Variants in NTM observed in about 807,000 individuals in gnomAD.
NTM encodes IgLON family member 2.
NTM carries 13 observed loss-of-function variants against 42.1 expected under a neutral mutation model. The observed-to-expected ratio is 0.31, with a 90% CI of 0.20 to 0.49. NTM has a LOEUF of 0.49. Among genes scored for constraint, NTM ranks in the 20% least tolerant of loss-of-function variants. The pLI is 0.99. For synonymous variants in NTM, 187 were observed against 179.2 expected (o/e 1.04, Z -0.35); for missense variants, 373 against 452.8 (o/e 0.82, Z 1.60).
intron 2 of NTM, among the ~76,000 whole-genome samples, chr11:131,983,374 CTTTTTTT>C (rs151133606): frequency 0.03 from 3,703 of 122,394 alleles, 143 homozygotes; most frequent in African/African-American, 0.11. Flanking sequence ...AAAATTGTAT[CTTTTTTT>C]TTTTTTTTTT....
chr11:131,823,171 G>C (rs1455725290), intron 1 of NTM, among the ~76,000 whole-genome samples: 1 of 152,220 alleles, frequency 6.6e-6, no homozygotes, highest in East Asian at 1.9e-4. Flanking sequence ...GCTGGTGATT[G>C]TCACAGGGTA....
intron 4 of NTM, among the ~76,000 whole-genome samples, chr11:132,263,646 C>T (rs929105505): frequency 3.9e-5 from 6 of 152,064 alleles, no homozygotes; most frequent in Non-Finnish European, 8.8e-5. Flanking sequence ...CCCTTTCTCA[C>T]ATGTTATTAT....
chr11:131,902,585 C>T (rs2053329758), intron 1 of NTM, among the ~76,000 whole-genome samples: 1 of 152,208 alleles, frequency 6.6e-6, no homozygotes, highest in Non-Finnish European at 1.5e-5. Flanking sequence ...ACACTAACCC[C>T]TCTAATTAGG....
chr11:132,247,942 T>C (rs1308540013), intron 4 of NTM, among the ~76,000 whole-genome samples: 1 of 152,138 alleles, frequency 6.6e-6, no homozygotes, highest in Non-Finnish European at 1.5e-5. Context: ...TTCCAGCTCT[T>C]AAATCCTTGG....
chr11:131,633,200 C>T (rs2063839153), intron 1 of NTM, among the ~76,000 whole-genome samples: 1 of 152,176 alleles, frequency 6.6e-6, no homozygotes, highest in African/African-American at 2.4e-5. Flanking sequence ...CTAGCATGAA[C>T]TGGGGAGTAT....
intron 2 of NTM, among the ~76,000 whole-genome samples, chr11:132,136,160 C>T (rs532749732): frequency 5.3e-5 from 8 of 152,300 alleles, no homozygotes; most frequent in African/African-American, 1.7e-4. Context: ...CCAGCCCCTG[C>T]AGTGTGTATT....
intron 1 of NTM, among the ~76,000 whole-genome samples, chr11:131,754,493 C>T (rs370268717): frequency 7.2e-5 from 11 of 151,902 alleles, no homozygotes; most frequent in South Asian, 2.1e-4. Flanking sequence ...GGCATAGTGG[C>T]GCATATCTGT....
chr11:131,901,775 C>G (rs1011547864), intron 1 of NTM, among the ~76,000 whole-genome samples: 1 of 152,234 alleles, frequency 6.6e-6, no homozygotes, highest in Non-Finnish European at 1.5e-5. Context: ...GGTTTATTCA[C>G]ATGCACGTTG....
chr11:131,879,928 TTGTC>T (rs1241155937), intron 1 of NTM, among the ~76,000 whole-genome samples: 1 of 152,226 alleles, frequency 6.6e-6, no homozygotes, highest in Non-Finnish European at 1.5e-5. Flanking sequence ...AGTTTTGTGT[TTGTC>T]TGTGTAGTGT....
chr11:131,729,240 C>T (rs920992618), intron 1 of NTM, among the ~76,000 whole-genome samples: 4 of 152,014 alleles, frequency 2.6e-5, no homozygotes, highest in Middle Eastern at 3.2e-3. Flanking sequence ...CCTGAGTGTT[C>T]GATAAGGGTT....
At chr11:132,102,879 GC>G (rs1450748030) in intron 2 of NTM, among the ~76,000 whole-genome samples, 1 of 152,174 alleles carries the variant, frequency 6.6e-6, no homozygotes, top group Non-Finnish European at 1.5e-5. Context: ...ACAGCAGCCT[GC>G]CCCAACAGTT....
chr11:131,658,878 C>T (rs556142468), intron 1 of NTM, among the ~76,000 whole-genome samples: 14 of 152,062 alleles, frequency 9.2e-5, no homozygotes, highest in South Asian at 4.2e-4. Flanking sequence ...GGCTGAGGCA[C>T]GAGAATCGCT....
chr11:132,134,717 ATATATAT>A (rs2067476094), intron 2 of NTM, among the ~76,000 whole-genome samples: 1 of 41,056 alleles, frequency 2.4e-5, no homozygotes, highest in Non-Finnish European at 4.4e-5. Flanking sequence ...ATATATATAT[ATATATAT>A]ATATATATAT....
intron 2 of NTM, among the ~76,000 whole-genome samples, chr11:131,951,345 A>G (rs1440568890): frequency 2.6e-5 from 4 of 152,158 alleles, no homozygotes; most frequent in Non-Finnish European, 5.9e-5. Context: ...GCCTAATTCC[A>G]TCCTCTACAG....
At chr11:131,381,023 C>T (rs1591511036) in intron 1 of NTM, among the ~76,000 whole-genome samples, 1 of 152,056 alleles carries the variant, frequency 6.6e-6, no homozygotes, top group African/African-American at 2.4e-5. Flanking sequence ...GTTATGGATA[C>T]CTATGTAGTA....
At chr11:132,010,628 T>TTC (rs1555217163) in intron 2 of NTM, among the ~76,000 whole-genome samples, 2 of 151,402 alleles carry the variant, frequency 1.3e-5, no homozygotes, top group Non-Finnish European at 2.9e-5. Flanking sequence ...TTTTTTTTTT[T>TTC]CCTCCATTCT....
intron 1 of NTM, among the ~76,000 whole-genome samples, chr11:131,740,248 T>C (rs1424990751): frequency 6.6e-6 from 1 of 152,202 alleles, no homozygotes; most frequent in African/African-American, 2.4e-5. Flanking sequence ...CCGGCATCCA[T>C]GTGCCTCGAT....
At chr11:131,679,741 T>C (rs904460672) in intron 1 of NTM, among the ~76,000 whole-genome samples, 2 of 152,044 alleles carry the variant, frequency 1.3e-5, no homozygotes, top group Non-Finnish European at 2.9e-5. Flanking sequence ...ATGTAAAATC[T>C]TGGGTCTCAC....
intron 4 of NTM, among the ~76,000 whole-genome samples, chr11:132,299,473 G>T (rs2094757609): frequency 6.6e-6 from 1 of 152,178 alleles, no homozygotes; most frequent in African/African-American, 2.4e-5. Flanking sequence ...AGGGTATCCT[G>T]AGAGAAAGGA....
Sources: allele counts gnomAD v4.1 joint callset (sites outside exome capture counted in the v4.1 genomes callset), GRCh38; gene constraint gnomAD v4.1.1; transcripts MANE v1.5; gene names NCBI Gene and HGNC (gene_info 2026-07-23, HGNC 2026-07-21).